The following TLK1 variants were observed in gnomAD, a reference collection of about 807,000 sequenced individuals.
TLK1 encodes the protein serine/threonine-protein kinase tousled-like 1.
Under a neutral mutation model 105.3 loss-of-function variants are expected in TLK1, and 24 were observed. That is an observed-to-expected ratio of 0.23 (90% CI 0.17 to 0.32). The LOEUF is 0.32. Among genes scored for constraint, TLK1 ranks in the 10% least tolerant of loss-of-function variants. The pLI is 1.00. For synonymous variants in TLK1, 321 were observed against 310.4 expected, an observed-to-expected ratio of 1.03 and a Z score of -0.36; for missense variants, 558 against 910.5, an observed-to-expected ratio of 0.61 and a Z score of 4.98.
chr2:171,156,399 C>A (rs1383356331), intron 1 of TLK1, among the ~76,000 whole-genome samples: 1 of 152,196 alleles, frequency 6.6e-6, no homozygotes, highest in East Asian at 1.9e-4. Flanking sequence ...TTGAAATTGT[C>A]ATTTAATTTC....
chr2:171,180,765 A>G (rs1375959221), intron 1 of TLK1, among the ~76,000 whole-genome samples: 1 of 151,822 alleles, frequency 6.6e-6, no homozygotes, highest in Non-Finnish European at 1.5e-5. Context: ...TAAATTCTGC[A>G]AATGAGTCAC....
chr2:171,134,120 AACAG>A (rs888009142), intron 1 of TLK1, among the ~76,000 whole-genome samples: 1 of 152,198 alleles, frequency 6.6e-6, no homozygotes, highest in Non-Finnish European at 1.5e-5. Flanking sequence ...TTATCTGCTT[AACAG>A]ACAATTTGAT....
In TLK1 at chr2:170,993,942, G is replaced by A; in HGVS notation, c.2139C>T (p.Arg713=). Residue 713 remains arginine, a synonymous_variant, in exon 21 of 21, where the codon CGC becomes CGT. Coordinates refer to ENST00000431350, the MANE Select transcript of TLK1 (RefSeq NM_012290.5). ...VSSEAKAFIR[R]CLAYRKEDRF... ...GATCTTCTTTTCGATATGCCAAACA[G>A]CGTCTTATAAATGCCTCAAAAAGAG... The A allele has an allele frequency of 6.2e-7, 1 of 1,605,406 alleles. No homozygotes were observed. The highest frequency in any genetic ancestry group is 8.5e-7 in the Non-Finnish European group (1 of 1,176,988).
At chr2:171,150,408 C>CA (rs1691985962) in intron 1 of TLK1, among the ~76,000 whole-genome samples, 1 of 152,182 alleles carries the variant, frequency 6.6e-6, no homozygotes, top group Non-Finnish European at 1.5e-5. Context: ...TGCTCATTAT[C>CA]ATCCCTTCCT....
chr2:171,031,769 G>C (rs1359597541), intron 11 of TLK1, among the ~76,000 whole-genome samples: 1 of 151,988 alleles, frequency 6.6e-6, no homozygotes, highest in African/African-American at 2.4e-5. Flanking sequence ...AGAAATATGG[G>C]GTGACAGTAT....
At chr2:171,206,371 GA>G (rs1416593152) in intron 1 of TLK1, among the ~76,000 whole-genome samples, 6 of 152,178 alleles carry the variant, frequency 3.9e-5, no homozygotes, top group African/African-American at 1.4e-4. Flanking sequence ...AAATTATAAT[GA>G]AAAACAGTAA....
intron 1 of TLK1, among the ~76,000 whole-genome samples, chr2:171,145,638 A>G (rs946976291): frequency 6.6e-6 from 1 of 152,150 alleles, no homozygotes; most frequent in African/African-American, 2.4e-5. Context: ...AGACAGGTAT[A>G]AACATGTTCA....
At position 170,993,698 on chromosome 2, in the gene TLK1, A is replaced by T; in HGVS notation, c.*82T>A. The T allele has an allele frequency of 8.6e-7, 1 of 1,168,996 alleles. No individual in the cohort carries two copies. Among genetic ancestry groups the T allele is most frequent in the Non-Finnish European group, 1.1e-6 (1 of 872,826 alleles). The allele number at this position is 1,168,996 out of a possible 1,614,324, so 72.4% of individuals were successfully genotyped here. ...AAAAAAAAAAAAAAAAAAGAAAAAGAAAACAAACACTCAAATGCTCTCAAA... is the reference window on the plus strand; with the variant it reads ...AAAAAAAAAAAAAAAAAAGAAAAAGTAAACAAACACTCAAATGCTCTCAAA... On this transcript the variant is annotated 3_prime_UTR_variant, in exon 21 of 21. Transcript: ENST00000431350.
chr2:171,121,031 GC>G (rs1254617236), intron 1 of TLK1, among the ~76,000 whole-genome samples: 1 of 152,160 alleles, frequency 6.6e-6, no homozygotes, highest in Non-Finnish European at 1.5e-5. Context: ...AGTAAAATAA[GC>G]CAGTCACAAA....
At chr2:171,069,674 C>T (rs548536969) in intron 3 of TLK1, among the ~76,000 whole-genome samples, 2 of 152,098 alleles carry the variant, frequency 1.3e-5, no homozygotes, top group African/African-American at 2.4e-5. Flanking sequence ...GTAGTTGGTA[C>T]ATAAAACTAA....
At chr2:171,175,952 T>C (rs1001884449) in intron 1 of TLK1, among the ~76,000 whole-genome samples, 4 of 152,152 alleles carry the variant, frequency 2.6e-5, no homozygotes, top group Non-Finnish European at 5.9e-5. Flanking sequence ...GTTTTTGTTT[T>C]TGAGACGGAG....
intron 2 of TLK1, among the ~76,000 whole-genome samples, chr2:171,093,444 A>C (rs1441657822): frequency 6.6e-6 from 1 of 152,194 alleles, no homozygotes; most frequent in Non-Finnish European, 1.5e-5. Context: ...TGATGAAAAG[A>C]AAGGGCATAT....
chr2:171,052,755 G>A (rs1002732498), intron 8 of TLK1, among the ~76,000 whole-genome samples: 1 of 152,198 alleles, frequency 6.6e-6, no homozygotes, highest in Non-Finnish European at 1.5e-5. Flanking sequence ...TGGTAAATGG[G>A]TGTGAGAAAG....
chr2:171,058,468 G>C (rs1025717104), intron 4 of TLK1, among the ~76,000 whole-genome samples: 2 of 152,118 alleles, frequency 1.3e-5, no homozygotes, highest in Non-Finnish European at 2.9e-5. Context: ...AGTAGCGACT[G>C]CATCACTGAC....
chr2:171,080,662 A>C (rs1688709610), intron 3 of TLK1, among the ~76,000 whole-genome samples: 1 of 151,484 alleles, frequency 6.6e-6, no homozygotes, highest in Non-Finnish European at 1.5e-5. Flanking sequence ...TTAATTTGTA[A>C]AACTCCAAGA....
Position 171,040,563 on chromosome 2 carries a change from TTTTTG to T in TLK1, c.1169+5606_1169+5610del, listed in dbSNP as rs1243882660. 1.2e-4 allele frequency among the ~76,000 whole-genome samples: 12 copies of T among 102,062 alleles called. No homozygotes were observed. In the East Asian group the frequency reaches 1.6e-3, roughly 14 times the overall value. 67.0% of individuals were successfully genotyped at this position (102,062 alleles called of 152,430 possible). On this transcript the variant is annotated intron_variant, in intron 11 of 20. Coordinates refer to ENST00000431350, the MANE Select transcript of TLK1 (RefSeq NM_012290.5). ...ATAATGTTATACAAAATATATTCCT[TTTTTG>T]TTTTTTTTTTTTTTTTTTTTTGAGA...
chr2:171,179,783 C>T (rs1262757540), intron 1 of TLK1, among the ~76,000 whole-genome samples: 1 of 151,962 alleles, frequency 6.6e-6, no homozygotes, highest in Non-Finnish European at 1.5e-5. Flanking sequence ...CATGATAAAA[C>T]CCCGTCTCTA....
chr2:171,172,791 C>T (rs532544212), intron 1 of TLK1, among the ~76,000 whole-genome samples: 2 of 152,280 alleles, frequency 1.3e-5, no homozygotes, highest in Admixed American at 6.5e-5. Context: ...CATCATGCTT[C>T]CTGTACAGCC....
At chr2:171,130,620 G>A (rs1691064880) in intron 1 of TLK1, among the ~76,000 whole-genome samples, 1 of 152,136 alleles carries the variant, frequency 6.6e-6, no homozygotes, top group African/African-American at 2.4e-5. Context: ...AGAAGAGAAA[G>A]CAACAGAAGG....
Sources: allele counts gnomAD v4.1 joint callset (sites outside exome capture counted in the v4.1 genomes callset), GRCh38; gene constraint gnomAD v4.1.1; transcripts MANE v1.5; gene names NCBI Gene and HGNC (gene_info 2026-07-23, HGNC 2026-07-21).